The following TMTC2 variants were observed in gnomAD, a reference collection of about 807,000 sequenced individuals.
The protein encoded by TMTC2 is transmembrane O-mannosyltransferase targeting cadherins 2, also known as protein O-mannosyl-transferase TMTC2.
A neutral mutation model predicts 82.4 loss-of-function variants in TMTC2; 43 were observed. That is an observed-to-expected ratio of 0.52 (90% confidence interval 0.41 to 0.67). TMTC2 has a LOEUF of 0.67. Among genes scored for constraint, TMTC2 ranks in the 30% least tolerant of loss-of-function variants. The probability of loss-of-function intolerance (pLI) is 0.00; values close to 1 mark genes in which losing one functional copy is unlikely to be tolerated. For synonymous variants in TMTC2, 408 were observed against 381.9 expected, an observed-to-expected ratio of 1.07 and a Z score of -0.80; for missense variants, 919 against 1,012.4, an observed-to-expected ratio of 0.91 and a Z score of 1.25.
chr12:82,918,851 A>G (rs1875193661), intron 3 of TMTC2, among the ~76,000 whole-genome samples: 1 of 151,342 alleles, frequency 6.6e-6, no homozygotes, highest in Non-Finnish European at 1.5e-5. Flanking sequence ...TCCACCTCCC[A>G]GGTTCAAGTG....
At position 82,940,166 on chromosome 12, in the gene TMTC2, C is replaced by T. The variant is rs547361548; in HGVS notation, c.1598+9621C>T. Among the ~76,000 whole-genome samples the T allele has an allele frequency of 3.3e-5, 5 of 151,748 alleles. No individual in the cohort carries two copies. The East Asian group carries it at 7.8e-4, about 24-fold the overall frequency. ...CGGAGTAGCTGGGATTATAGGCATG[C>T]GCCACCAAGCCTGGCTAATTTTGTA... On this transcript the variant is annotated intron_variant, in intron 4 of 11. Coordinates refer to ENST00000321196, the MANE Select transcript of TMTC2 (RefSeq NM_152588.3).
intron 1 of TMTC2, among the ~76,000 whole-genome samples, chr12:82,785,355 A>C (rs1878125963): frequency 8.0e-6 from 1 of 125,476 alleles, no homozygotes; most frequent in African/African-American, 3.1e-5. Context: ...ATAAACAAAC[A>C]ACCCCCCCCC....
chr12:82,997,175 T>TCTCCCC (rs150688624), intron 8 of TMTC2, among the ~76,000 whole-genome samples: 14 of 114,554 alleles, frequency 1.2e-4, no homozygotes, highest in South Asian at 6.1e-4. Flanking sequence ...TCTCTCTCTC[T>TCTCCCC]CCCACCCCTC....
At chr12:82,835,437 C>T (rs1869982973) in intron 1 of TMTC2, among the ~76,000 whole-genome samples, 1 of 152,142 alleles carries the variant, frequency 6.6e-6, no homozygotes, top group Non-Finnish European at 1.5e-5. Context: ...GCTGCTGACT[C>T]ACATCTTCCT....
At chr12:82,852,591 A>T (rs1437839756) in intron 1 of TMTC2, among the ~76,000 whole-genome samples, 1 of 152,182 alleles carries the variant, frequency 6.6e-6, no homozygotes, top group Non-Finnish European at 1.5e-5. Context: ...AAGCAACCTC[A>T]AAAATTATAT....
chr12:82,763,495 T>G (rs1592501929), intron 1 of TMTC2, among the ~76,000 whole-genome samples: 1 of 152,154 alleles, frequency 6.6e-6, no homozygotes, highest in African/African-American at 2.4e-5. Context: ...TTTGAAAACT[T>G]GAGAAAATGT....
chr12:82,885,665 C>T (rs971751783), intron 2 of TMTC2, among the ~76,000 whole-genome samples: 6 of 152,080 alleles, frequency 3.9e-5, no homozygotes, highest in Admixed American at 2.0e-4. Context: ...GCCATTGCTC[C>T]TGGCTGGGTA....
intron 1 of TMTC2, among the ~76,000 whole-genome samples, chr12:82,761,513 G>T (rs1876631117): frequency 6.6e-6 from 1 of 152,216 alleles, no homozygotes. Flanking sequence ...TGTCCCACAT[G>T]TGGTGGGATT....
At chr12:82,866,369 G>A (rs1871863316) in intron 2 of TMTC2, among the ~76,000 whole-genome samples, 1 of 151,904 alleles carries the variant, frequency 6.6e-6, no homozygotes, top group Admixed American at 6.6e-5. Context: ...GTTTTGGACT[G>A]TTTCATACAG....
At chr12:82,802,031 C>T (rs546819233) in intron 1 of TMTC2, among the ~76,000 whole-genome samples, 9 of 140,654 alleles carry the variant, frequency 6.4e-5, no homozygotes, top group Non-Finnish European at 1.2e-4. Context: ...CCACGCCGTG[C>T]GCCCACACAC....
intron 8 of TMTC2, among the ~76,000 whole-genome samples, chr12:83,009,096 G>C (rs1407109056): frequency 6.6e-6 from 1 of 152,176 alleles, no homozygotes; most frequent in Non-Finnish European, 1.5e-5. Flanking sequence ...AACATTAGGT[G>C]AGACAAAGTG....
At chr12:82,701,034 A>T (rs976016175) in intron 1 of TMTC2, among the ~76,000 whole-genome samples, 31 of 152,258 alleles carry the variant, frequency 2.0e-4, no homozygotes, top group African/African-American at 7.2e-4. Flanking sequence ...TGCCCCCATG[A>T]TTCAATTACT....
intron 7 of TMTC2, among the ~76,000 whole-genome samples, chr12:82,978,041 A>C (rs1419313549): frequency 6.6e-6 from 1 of 151,822 alleles, no homozygotes; most frequent in Non-Finnish European, 1.5e-5. Flanking sequence ...GCCAGTGGCT[A>C]TCTATGGGTG....
intron 2 of TMTC2, among the ~76,000 whole-genome samples, chr12:82,878,162 T>C (rs764841441): frequency 6.6e-6 from 1 of 152,214 alleles, no homozygotes; most frequent in Non-Finnish European, 1.5e-5. Context: ...GTTTCTTCTG[T>C]GCCAGGTGCT....
chr12:82,786,898 G>T (rs1399166929), intron 1 of TMTC2, among the ~76,000 whole-genome samples: 2 of 152,016 alleles, frequency 1.3e-5, no homozygotes, highest in Non-Finnish European at 2.9e-5. Flanking sequence ...TATGTATATG[G>T]CATTTTAAAA....
intron 1 of TMTC2, among the ~76,000 whole-genome samples, chr12:82,811,425 A>G (rs1868382342): frequency 6.6e-6 from 1 of 151,982 alleles, no homozygotes; most frequent in African/African-American, 2.4e-5. Context: ...TTTCTTATAT[A>G]TTTTACAATA....
chr12:82,872,116 TGTGA>T (rs998253826), intron 2 of TMTC2, among the ~76,000 whole-genome samples: 2 of 149,558 alleles, frequency 1.3e-5, no homozygotes, highest in African/African-American at 4.9e-5. Flanking sequence ...CTGATGGATG[TGTGA>T]GTGTGTCTAG....
At chr12:82,882,917 G>A (rs1178492805) in intron 2 of TMTC2, among the ~76,000 whole-genome samples, 1 of 151,952 alleles carries the variant, frequency 6.6e-6, no homozygotes, top group South Asian at 2.1e-4. Flanking sequence ...TTAGCTGGGC[G>A]TGGTGGCGTG....
intron 7 of TMTC2, among the ~76,000 whole-genome samples, chr12:82,982,517 CCTTAGAACTAAAGTACATATTCTAGA>C (rs1878967650): frequency 6.7e-6 from 1 of 149,902 alleles, no homozygotes; most frequent in Non-Finnish European, 1.5e-5. Flanking sequence ...GTTAAGTTAG[CCTTAGAACTAAAGTACATATTCTAGA>C]CTTAGAACTA....
Sources: gnomAD v4.1 joint callset for allele counts (sites outside exome capture counted in the v4.1 genomes callset) on GRCh38, gnomAD v4.1.1 for gene constraint, MANE v1.5 for transcripts, NCBI Gene and HGNC (gene_info 2026-07-23, HGNC 2026-07-21) for gene names.